Variants in LRRC37A2 observed in about 807,000 individuals in gnomAD.
LRRC37A2 encodes leucine rich repeat containing 37 member A2.
LRRC37A2 carries 9 observed loss-of-function variants against 68.8 expected under a neutral mutation model. The ratio of observed to expected loss-of-function variants is 0.13; its 90% confidence interval spans 0.08 to 0.23. LRRC37A2 has a LOEUF of 0.23. LRRC37A2 is among the 10% of genes least tolerant of loss of function. The pLI, the probability that LRRC37A2 is intolerant of heterozygous loss-of-function variation, is 1.00. For missense variants in LRRC37A2, 168 were observed against 950.4 expected (o/e 0.18, Z 10.82); for synonymous variants, 63 against 367.6 (o/e 0.17, Z 9.48).
the LRRC37A2 span, among the ~76,000 whole-genome samples, chr17:46,490,368 T>C: frequency 6.6e-6 from 1 of 151,174 alleles, no homozygotes; most frequent in Non-Finnish European, 1.5e-5. Context: ...GTGATTTCGA[T>C]AATTAGTTTA....
chr17:46,871,380 G>A, the LRRC37A2 span, among the ~76,000 whole-genome samples: 1 of 152,122 alleles, frequency 6.6e-6, no homozygotes, highest in Non-Finnish European at 1.5e-5. Context: ...CTGGGAAGAG[G>A]GAAGACGAAC....
the LRRC37A2 span, among the ~76,000 whole-genome samples, chr17:46,897,270 T>C: frequency 2.0e-4 from 30 of 152,232 alleles, no homozygotes; most frequent in African/African-American, 5.5e-4. Flanking sequence ...CCATCAGTAA[T>C]GCCCAGGATC....
At chr17:46,761,224 A>C in the LRRC37A2 span, among the ~76,000 whole-genome samples, 2 of 152,132 alleles carry the variant, frequency 1.3e-5, no homozygotes, top group Admixed American at 6.5e-5. Flanking sequence ...GAGTGCATCA[A>C]CTTCTGGTGG....
the LRRC37A2 span, among the ~76,000 whole-genome samples, chr17:46,852,507 T>G: frequency 6.7e-6 from 1 of 148,298 alleles, no homozygotes; most frequent in African/African-American, 2.5e-5. Context: ...TAGGTGACAC[T>G]GGGGAGAGAG....
the LRRC37A2 span, among the ~76,000 whole-genome samples, chr17:46,802,765 T>G: frequency 6.6e-6 from 1 of 152,104 alleles, no homozygotes; most frequent in Non-Finnish European, 1.5e-5. Context: ...TCCTGGAAGG[T>G]GGTGTGCCTG....
the LRRC37A2 span, chr17:46,711,236 G>C: frequency 1.0e-6 from 1 of 990,452 alleles, no homozygotes. Flanking sequence ...CCTTGTTCTT[G>C]ATCTGAAAAT....
the LRRC37A2 span, among the ~76,000 whole-genome samples, chr17:46,771,726 C>T: frequency 7.1e-6 from 1 of 141,330 alleles, no homozygotes; most frequent in East Asian, 2.1e-4. Flanking sequence ...CGGCGCCGGG[C>T]CGCGAAATCC....
At chr17:46,836,638 T>C in the LRRC37A2 span, among the ~76,000 whole-genome samples, 1 of 152,208 alleles carries the variant, frequency 6.6e-6, no homozygotes, top group Non-Finnish European at 1.5e-5. Flanking sequence ...TTGCTAAATA[T>C]GCCGCATGTT....
chr17:46,940,646 TC>T, the LRRC37A2 span: 1 of 1,613,804 alleles, frequency 6.2e-7, no homozygotes, highest in Non-Finnish European at 8.5e-7. Flanking sequence ...GAGGCAGAAG[TC>T]CCCGCACCCA....
the LRRC37A2 span, chr17:46,937,286 C>T: frequency 6.6e-6 from 1 of 152,086 alleles, no homozygotes; most frequent in Admixed American, 6.5e-5. Context: ...ATGGACTTGA[C>T]CCACCCATTG....
chr17:46,853,517 G>A, the LRRC37A2 span, among the ~76,000 whole-genome samples: 7 of 151,822 alleles, frequency 4.6e-5, no homozygotes, highest in Non-Finnish European at 8.8e-5. Context: ...GACTATAGGC[G>A]CGTGCCACCA....
the LRRC37A2 span, among the ~76,000 whole-genome samples, chr17:46,812,146 C>G: frequency 6.6e-6 from 1 of 152,094 alleles, no homozygotes; most frequent in African/African-American, 2.4e-5. Context: ...CCCACCTTCT[C>G]CACTCCCAGA....
the LRRC37A2 span, chr17:46,713,715 G>A: frequency 7.1e-6 from 5 of 706,424 alleles, no homozygotes; most frequent in South Asian, 7.6e-5. Flanking sequence ...AAACATGTCT[G>A]CTGTGAAATT....
At chr17:46,961,700 A>G in the LRRC37A2 span, among the ~76,000 whole-genome samples, 1 of 152,222 alleles carries the variant, frequency 6.6e-6, no homozygotes, top group Non-Finnish European at 1.5e-5. Flanking sequence ...GTGTACCTAA[A>G]ATATAACGAC....
the LRRC37A2 span, among the ~76,000 whole-genome samples, chr17:46,883,730 G>A: frequency 4.6e-5 from 7 of 152,206 alleles, no homozygotes; most frequent in African/African-American, 1.4e-4. Context: ...GAGAGACGGG[G>A]TATGAGGGAG....
chr17:46,788,790 G>T, the LRRC37A2 span, among the ~76,000 whole-genome samples: 1 of 151,910 alleles, frequency 6.6e-6, no homozygotes, highest in Non-Finnish European at 1.5e-5. Context: ...GCCCTCAGCA[G>T]CCCCACTGAG....
At chr17:46,967,828 G>C in the LRRC37A2 span, among the ~76,000 whole-genome samples, 25 of 152,110 alleles carry the variant, frequency 1.6e-4, no homozygotes, top group Non-Finnish European at 3.1e-4. Context: ...GATAAAGAGG[G>C]GGGTAGGGGG....
the LRRC37A2 span, among the ~76,000 whole-genome samples, chr17:46,854,816 C>T: frequency 6.6e-6 from 1 of 152,094 alleles, no homozygotes; most frequent in Non-Finnish European, 1.5e-5. Flanking sequence ...CCCCCCATCA[C>T]ACCCCACTAA....
the LRRC37A2 span, among the ~76,000 whole-genome samples, chr17:46,948,105 T>A: frequency 6.6e-6 from 1 of 152,162 alleles, no homozygotes; most frequent in African/African-American, 2.4e-5. Context: ...AGAAGACCTT[T>A]AGTGATTGGA....
Sources: gnomAD v4.1 joint callset for allele counts (sites outside exome capture counted in the v4.1 genomes callset) on GRCh38, gnomAD v4.1.1 for gene constraint, MANE v1.5 for transcripts, NCBI Gene and HGNC (gene_info 2026-07-23, HGNC 2026-07-21) for gene names.